CNOT9: variants seen among roughly 807,000 people sequenced by gnomAD.
The protein encoded by CNOT9 is CCR4-NOT transcription complex subunit 9.
A neutral mutation model predicts 37.4 loss-of-function variants in CNOT9; 8 were observed. That is an observed-to-expected ratio of 0.21 (90% CI 0.13 to 0.39). The LOEUF (loss-of-function observed/expected upper bound fraction) is 0.39, where lower values mean the gene tolerates loss of function less well. Among genes scored for constraint, CNOT9 ranks in the 10% least tolerant of loss-of-function variants. CNOT9 has a pLI of 1.00. For synonymous variants in CNOT9, 120 were observed against 137.6 expected, an observed-to-expected ratio of 0.87 and a Z score of 0.90; for missense variants, 154 against 365.3, an observed-to-expected ratio of 0.42 and a Z score of 4.71.
chr2:218,590,053 TG>T (rs977679663), intron 5 of CNOT9, among the ~76,000 whole-genome samples: 1 of 81,908 alleles, frequency 1.2e-5, no homozygotes, highest in Non-Finnish European at 2.4e-5. Flanking sequence ...TGCTTTTTTC[TG>T]TTTTTTTTTT....
chr2:218,592,523 G>C lies in CNOT9; in HGVS notation c.640-93G>C. 1 of 1,505,140 alleles carries C rather than the reference G, an allele frequency of 6.6e-7. No homozygotes were observed. The highest frequency in any genetic ancestry group is 1.1e-5 in the South Asian group (1 of 88,828). The allele number at this position is 1,505,140 out of a possible 1,614,324, so 93.2% of individuals were successfully genotyped here. ...AACTAACAATTTTGGAACCTTTTAT[G>C]ATTCTTGGACTATCTGATCTCTGAT... On this transcript the variant is annotated intron_variant, in intron 6 of 7. Transcript: ENST00000273064. The surrounding 1 kb of genome is among the most constrained non-coding windows in gnomAD (Gnocchi z 4.1).
chr2:218,568,992 C>T lies in CNOT9; in HGVS notation c.24+14C>T, dbSNP rs755769995. ...GCGACGGCTGCGGTGAGTGGCTGGG[C>T]CCCCAGGCTTGGAACCAGAATCCTT... On this transcript the variant is annotated intron_variant, in intron 1 of 7. Coordinates refer to ENST00000273064, the MANE Select transcript of CNOT9 (RefSeq NM_005444.3). The T allele has an allele frequency of 2.5e-6, 4 of 1,608,126 alleles. No individual in the cohort carries two copies. The highest frequency in any genetic ancestry group is 3.4e-6 in the Non-Finnish European group (4 of 1,177,590).
chr2:218,580,972 A>G (rs1559245985), intron 2 of CNOT9: 1 of 610,634 alleles, frequency 1.6e-6, no homozygotes, highest in Non-Finnish European at 3.0e-6. Context: ...CTATATTTTA[A>G]TAAGCACTTT....
At chr2:218,593,724 A>T in intron 7 of CNOT9, 1 of 1,231,232 alleles carries the variant, frequency 8.1e-7, no homozygotes, top group Non-Finnish European at 1.0e-6. Flanking sequence ...TTAAGTTATC[A>T]TAAGTTTGAT....
intron 1 of CNOT9, among the ~76,000 whole-genome samples, chr2:218,569,797 G>T (rs1316825402): frequency 6.6e-6 from 1 of 152,162 alleles, no homozygotes; most frequent in East Asian, 1.9e-4. Context: ...TACATACACA[G>T]CATGAGTGTA....
intron 4 of CNOT9, 115 bp from the exon 5 acceptor site, chr2:218,587,471 C>T: frequency 7.6e-7 from 1 of 1,321,312 alleles, no homozygotes; most frequent in Non-Finnish European, 9.7e-7. Context: ...CTTTAACAAA[C>T]CCCAGTTTGT....
intron 2 of CNOT9, among the ~76,000 whole-genome samples, chr2:218,582,746 T>C (rs1435739798): frequency 1.3e-5 from 2 of 151,542 alleles, no homozygotes; most frequent in Non-Finnish European, 2.9e-5. Context: ...AAAAAAAAAA[T>C]CTTCCTAGAG....
intron 1 of CNOT9, chr2:218,574,041 C>G (rs1251569285): frequency 4.6e-6 from 2 of 432,476 alleles, no homozygotes; most frequent in South Asian, 3.2e-5. Flanking sequence ...GTGATCTTGG[C>G]TCACCGCAAC....
At position 218,592,797 on chromosome 2, in the gene CNOT9, C is replaced by A; in HGVS notation, c.731+90C>A. 1 of 1,020,284 alleles carries A rather than the reference C, an allele frequency of 9.8e-7. No individual in the cohort carries two copies. Among genetic ancestry groups the A allele is most frequent in the Non-Finnish European group, 1.5e-6 (1 of 652,122 alleles). The allele number at this position is 1,020,284 out of a possible 1,614,324, so 63.2% of individuals were successfully genotyped here. On this transcript the variant is annotated intron_variant, in intron 7 of 7. Transcript: ENST00000273064. This position sits in a 1 kb window ranked among gnomAD's most constrained non-coding sequence, Gnocchi z 4.1. ...TGGCATAGCTCCTGTGTCTTTAGGA[C>A]AGGGAAGTGGGGATATAACTGCATT...
At chr2:218,571,738 A>ATTTTTTTTTTT (rs34883423) in intron 1 of CNOT9, among the ~76,000 whole-genome samples, 1 of 122,824 alleles carries the variant, frequency 8.1e-6, no homozygotes, top group African/African-American at 3.2e-5. Flanking sequence ...CGCCTGGCTA[A>ATTTTTTTTTTT]TTTTTTTTTT....
chr2:218,575,066 T>G (rs1694120162), intron 1 of CNOT9, among the ~76,000 whole-genome samples: 1 of 152,208 alleles, frequency 6.6e-6, no homozygotes, highest in Non-Finnish European at 1.5e-5. Flanking sequence ...GTTCCTTCAC[T>G]TTAACAATGA....
In CNOT9 at chr2:218,569,537, T is replaced by C. The variant is rs76656263; in HGVS notation, c.24+559T>C. ...ATCTTTTAACAAAAAAGAAAGATAG[T>C]GTAATTCAGCTATCCGAAGTAATCC... On this transcript the variant is annotated intron_variant, in intron 1 of 7. Transcript: ENST00000273064. Among the ~76,000 whole-genome samples the C allele has an allele frequency of 9.8e-3, 1,488 of 152,298 alleles. 23 individuals carry two copies. The highest frequency in any genetic ancestry group is 0.034 in the African/African-American group (1,407 of 41,550).
chr2:218,585,181 C>G (rs989108786), intron 4 of CNOT9, among the ~76,000 whole-genome samples: 5 of 152,004 alleles, frequency 3.3e-5, no homozygotes, highest in Admixed American at 2.6e-4. Context: ...CTCAGCCTCC[C>G]AAGTAATAGG....
At chr2:218,573,200 C>A (rs1194583654) in intron 1 of CNOT9, among the ~76,000 whole-genome samples, 2 of 151,932 alleles carry the variant, frequency 1.3e-5, no homozygotes. Context: ...CGCTTGTAAT[C>A]CCAGCTACTT....
At position 218,580,759 on chromosome 2, in the gene CNOT9, T is replaced by C; in HGVS notation, c.204+19T>C. ...TTTACAGGTGGGTTCATGTCCATGATTGGCAGTTCAGTTCTTTTCATTACA... is the reference window on the plus strand; with the variant it reads ...TTTACAGGTGGGTTCATGTCCATGACTGGCAGTTCAGTTCTTTTCATTACA... On this transcript the variant is annotated intron_variant, in intron 2 of 7. Coordinates refer to ENST00000273064, the MANE Select transcript of CNOT9 (RefSeq NM_005444.3). 2 of 1,605,904 alleles carry C rather than the reference T, an allele frequency of 1.2e-6. No individual in the cohort carries two copies. Among genetic ancestry groups the C allele is most frequent in the Non-Finnish European group, 8.5e-7 (1 of 1,174,470 alleles).
In CNOT9 at chr2:218,583,101, TGAG is replaced by T. The variant is rs1694449834; in HGVS notation, c.320+16_320+18del. 3.9e-6 allele frequency: 6 copies of T among 1,529,748 alleles called. No homozygotes were observed. Among genetic ancestry groups the T allele is most frequent in the Non-Finnish European group, 5.4e-6 (6 of 1,103,904 alleles). The allele number at this position is 1,529,748 out of a possible 1,614,324, so 94.8% of individuals were successfully genotyped here. ...CCAGAAACCAGGTAAATGCTTTGGG[TGAG>T]TCACTTGGGGGAGATATACATTGAA... is the stretch of plus-strand genomic sequence containing the variant. On this transcript the variant is annotated intron_variant, in intron 3 of 7. Coordinates refer to ENST00000273064, the MANE Select transcript of CNOT9 (RefSeq NM_005444.3).
intron 7 of CNOT9, chr2:218,593,850 A>G: frequency 8.2e-7 from 1 of 1,214,370 alleles, no homozygotes; most frequent in Non-Finnish European, 1.1e-6. Context: ...GAATGGAAGT[A>G]AACTATTGAA....
chr2:218,591,958 C>T (rs1366332316), intron 5 of CNOT9, among the ~76,000 whole-genome samples: 1 of 152,076 alleles, frequency 6.6e-6, no homozygotes, highest in Non-Finnish European at 1.5e-5. Context: ...ATAGTAGGTA[C>T]TCTGTAAATG....
chr2:218,580,951 G>A, intron 2 of CNOT9: 1 of 649,068 alleles, frequency 1.5e-6, no homozygotes, highest in Non-Finnish European at 2.8e-6. Flanking sequence ...GTCTGAGGTG[G>A]GCCCTATAAT....
Sources: allele counts gnomAD v4.1 joint callset (sites outside exome capture counted in the v4.1 genomes callset), GRCh38; gene constraint gnomAD v4.1.1; non-coding constraint Gnocchi (gnomAD v3.1); transcripts MANE v1.5; gene names NCBI Gene and HGNC (gene_info 2026-07-23, HGNC 2026-07-21).